Variants in UBE2K observed in about 807,000 individuals in gnomAD.
UBE2K encodes ubiquitin conjugating enzyme E2 K.
In UBE2K, 6 loss-of-function variants were observed where a neutral mutation model predicts 30.0. That is an observed-to-expected ratio of 0.20 (90% CI 0.11 to 0.39). UBE2K has a LOEUF of 0.39. Ranked by LOEUF, UBE2K falls within the 10% of genes least tolerant of loss-of-function variation. The pLI is 1.00. For synonymous variants in UBE2K, 86 were observed against 83.7 expected, an observed-to-expected ratio of 1.03 and a Z score of -0.15; for missense variants, 61 against 241.6, an observed-to-expected ratio of 0.25 and a Z score of 4.96.
chr4:39,769,961 T>C, intron 4 of UBE2K: 1 of 693,156 alleles, frequency 1.4e-6, no homozygotes, highest in Non-Finnish European at 2.4e-6. Flanking sequence ...GTGCATCTGC[T>C]CAGCCTCCCA....
At position 39,732,455 on chromosome 4, in the gene UBE2K, CA is replaced by C. The variant is rs199923021; in HGVS notation, c.64-4964del. On this transcript the variant is annotated intron_variant, in intron 1 of 6. Coordinates refer to ENST00000261427, the MANE Select transcript of UBE2K (RefSeq NM_005339.5). ...TAGTCATTATTTGAAAGAATTTTTA[CA>C]GTGATGATGGTAACAATGACAATAT... Among the ~76,000 whole-genome samples the C allele has an allele frequency of 4.1e-4, 62 of 152,204 alleles. No homozygotes were observed. The East Asian group carries it at 0.011, about 26-fold the overall frequency.
intron 4 of UBE2K, among the ~76,000 whole-genome samples, chr4:39,765,465 A>G (rs907686522): frequency 6.6e-6 from 1 of 151,902 alleles, no homozygotes; most frequent in African/African-American, 2.4e-5. Context: ...TTGAGGTTGA[A>G]GCTACAGGGA....
chr4:39,771,198 G>A (rs990174469), intron 4 of UBE2K: 3 of 1,612,794 alleles, frequency 1.9e-6, no homozygotes, highest in Admixed American at 3.3e-5. Context: ...GGTCGGCCAC[G>A]ATGCGTGCAC....
chr4:39,777,126 T>TA (rs1713327282), intron 5 of UBE2K, among the ~76,000 whole-genome samples: 1 of 152,214 alleles, frequency 6.6e-6, no homozygotes, highest in South Asian at 2.1e-4. Context: ...AGTCTTTTAA[T>TA]AAAATTACTC....
chr4:39,749,507 T>A (rs602049), intron 3 of UBE2K, among the ~76,000 whole-genome samples: 109,705 of 145,230 alleles, frequency 0.76, 39,896 homozygotes, highest in East Asian at 0.89. Flanking sequence ...TGCCAAAAAC[T>A]AAACAAAACA....
chr4:39,771,492 C>A, intron 4 of UBE2K: 1 of 1,481,612 alleles, frequency 6.7e-7, no homozygotes, highest in Non-Finnish European at 8.9e-7. Context: ...TTTTTAATCC[C>A]CTATTTTCCC....
At chr4:39,715,204 A>G (rs1355778326) in intron 1 of UBE2K, among the ~76,000 whole-genome samples, 1 of 149,572 alleles carries the variant, frequency 6.7e-6, no homozygotes, top group Non-Finnish European at 1.5e-5. Flanking sequence ...TTTTTTTTGT[A>G]TTTTTTAGTA....
intron 4 of UBE2K, chr4:39,770,221 G>T (rs1560378859): frequency 6.2e-7 from 1 of 1,611,604 alleles, no homozygotes; most frequent in South Asian, 1.1e-5. Context: ...CAGCGGTAGG[G>T]CTGCGCTCCC....
intron 3 of UBE2K, among the ~76,000 whole-genome samples, chr4:39,746,257 C>T (rs1247920936): frequency 1.3e-5 from 2 of 152,002 alleles, no homozygotes; most frequent in Non-Finnish European, 2.9e-5. Flanking sequence ...TTTCATAGAG[C>T]TCACATTATA....
At chr4:39,720,190 A>G (rs991162570) in intron 1 of UBE2K, among the ~76,000 whole-genome samples, 2 of 152,208 alleles carry the variant, frequency 1.3e-5, no homozygotes, top group Non-Finnish European at 2.9e-5. Flanking sequence ...AGTTGAATAT[A>G]TTGATAAAGG....
intron 4 of UBE2K, among the ~76,000 whole-genome samples, chr4:39,759,768 T>C (rs1560372162): frequency 6.6e-6 from 1 of 152,212 alleles, no homozygotes; most frequent in African/African-American, 2.4e-5. Context: ...ATCTGCCTGG[T>C]CGATAAGGTA....
chr4:39,762,853 C>T (rs746811188), intron 4 of UBE2K, among the ~76,000 whole-genome samples: 13 of 150,006 alleles, frequency 8.7e-5, no homozygotes, highest in Non-Finnish European at 8.9e-5. Context: ...AGGCTGGTCT[C>T]GAACTCCTGA....
chr4:39,749,293 A>G (rs939786925), intron 3 of UBE2K, among the ~76,000 whole-genome samples: 1 of 152,216 alleles, frequency 6.6e-6, no homozygotes, highest in East Asian at 1.9e-4. Flanking sequence ...TATGATTTCT[A>G]GCATTAAATT....
chr4:39,757,014 TTTTGTTTTTTGTTTTTTG>T (rs1721561919), intron 4 of UBE2K, among the ~76,000 whole-genome samples: 1 of 101,944 alleles, frequency 9.8e-6, no homozygotes, highest in African/African-American at 4.0e-5. Flanking sequence ...TTTTTTTGTT[TTTTGTTTTTTGTTTTTTG>T]TTTTTTTTTT....
At chr4:39,723,209 A>G (rs77838157) in intron 1 of UBE2K, among the ~76,000 whole-genome samples, 2 of 149,858 alleles carry the variant, frequency 1.3e-5, no homozygotes, top group Admixed American at 1.3e-4. Flanking sequence ...ACACCTAGAT[A>G]ATTTTTTTTT....
intron 1 of UBE2K, among the ~76,000 whole-genome samples, chr4:39,702,239 T>TC (rs1718066890): frequency 4.0e-4 from 2 of 5,024 alleles, no homozygotes; most frequent in East Asian, 0.018. Flanking sequence ...TTCTTTTTTT[T>TC]TTTTTTTTTT....
chr4:39,698,466 C>A, intron 1 of UBE2K, 76 bp downstream of exon 1: 1 of 1,383,370 alleles, frequency 7.2e-7, no homozygotes, highest in Non-Finnish European at 1.0e-6. Flanking sequence ...CCCCGATATC[C>A]CCGGTAGTCC....
chr4:39,773,444 G>A (rs1450659145), intron 4 of UBE2K, among the ~76,000 whole-genome samples: 2 of 151,932 alleles, frequency 1.3e-5, no homozygotes, highest in Non-Finnish European at 2.9e-5. Flanking sequence ...CTCCAGCCTC[G>A]GCGGCAGAGT....
At chr4:39,769,402 C>T (rs988520203) in intron 4 of UBE2K, among the ~76,000 whole-genome samples, 2 of 148,836 alleles carry the variant, frequency 1.3e-5, no homozygotes, top group African/African-American at 5.0e-5. Context: ...CTTACCCCCC[C>T]ACCCCCATGA....
Sources: gnomAD v4.1 joint callset for allele counts (sites outside exome capture counted in the v4.1 genomes callset) on GRCh38, gnomAD v4.1.1 for gene constraint, MANE v1.5 for transcripts, NCBI Gene and HGNC (gene_info 2026-07-23, HGNC 2026-07-21) for gene names.